GLCE: variants seen among roughly 807,000 people sequenced by gnomAD.
GLCE encodes D-glucuronyl C5-epimerase.
A neutral mutation model predicts 47.9 loss-of-function variants in GLCE; 19 were observed. The observed-to-expected ratio is 0.40, with a 90% CI of 0.28 to 0.58. The LOEUF is 0.58. GLCE is among the 20% of genes least tolerant of loss of function. The probability of loss-of-function intolerance (pLI) is 0.48; values close to 1 mark genes in which losing one functional copy is unlikely to be tolerated. For missense variants in GLCE, 556 were observed against 743.3 expected (o/e 0.75, Z 2.93); for synonymous variants, 245 against 263.4 (o/e 0.93, Z 0.68).
intron 1 of GLCE, among the ~76,000 whole-genome samples, chr15:69,164,687 T>C (rs989914239): frequency 1.3e-5 from 2 of 152,108 alleles, no homozygotes; most frequent in African/African-American, 4.8e-5. Context: ...ACTAGTTCCA[T>C]GTAATTTTTA....
rs2053172340 is a variant in GLCE at position 69,271,966 on chromosome 15, A to G, written c.*2722A>G. 1 of 152,554 alleles carries G rather than the reference A, an allele frequency of 6.6e-6. No homozygotes were observed. Among genetic ancestry groups the G allele is most frequent in the Non-Finnish European group, 1.5e-5 (1 of 68,032 alleles). The allele number at this position is 152,554 out of a possible 1,614,324, so 9.5% of individuals were successfully genotyped here. On this transcript the variant is annotated 3_prime_UTR_variant, in exon 5 of 5. Coordinates refer to ENST00000261858, the MANE Select transcript of GLCE (RefSeq NM_015554.3). ...CTTCCATTGTACATGTGGGTTATAT[A>G]CCATATGTTAAATATGCAATAAAGT... is the stretch of plus-strand genomic sequence containing the variant.
rs570311050 is a variant in GLCE, at chr15:69,195,321, A to T, written c.-104-14995A>T. ...ATAGTCTCAGCTAAATTTTTTTTTTAAAATCACTGATAGCTTAGAAAAAGA... is the reference window on the plus strand; with the variant it reads ...ATAGTCTCAGCTAAATTTTTTTTTTTAAATCACTGATAGCTTAGAAAAAGA... On this transcript the variant is annotated intron_variant, in intron 1 of 4. Coordinates refer to ENST00000261858, the MANE Select transcript of GLCE (RefSeq NM_015554.3). Among the ~76,000 whole-genome samples, 321 of 152,102 alleles carry T rather than the reference A, an allele frequency of 2.1e-3. 2 individuals are homozygous for T. Among genetic ancestry groups the T allele is most frequent in the African/African-American group, 6.0e-3 (249 of 41,522 alleles).
Position 69,268,413 on chromosome 15 carries a change from T to C in GLCE, c.1023T>C (p.Ile341=), listed in dbSNP as rs2053116492. ...AFKERDIYYG[I]GPRTSWSTVT... is the part of the protein sequence containing the mutation. ...AAGAAAGAGATATATACTATGGCATTGGGCCCAGAACTTCATGGAGCACAG... is the reference window on the plus strand; with the variant it reads ...AAGAAAGAGATATATACTATGGCATCGGGCCCAGAACTTCATGGAGCACAG... Residue 341 remains isoleucine (I), a synonymous_variant, in exon 5 of 5, where the codon ATT becomes ATC. Transcript: ENST00000261858. The C allele has an allele frequency of 6.2e-7, 1 of 1,613,900 alleles. No individual in the cohort carries two copies. The highest frequency in any genetic ancestry group is 2.2e-5 in the East Asian group (1 of 44,892).
intron 2 of GLCE, among the ~76,000 whole-genome samples, chr15:69,222,602 C>T (rs1462895217): frequency 2.6e-5 from 4 of 152,170 alleles, no homozygotes; most frequent in Non-Finnish European, 5.9e-5. Context: ...CCAGTTTCCT[C>T]CCCCTTCAGT....
At chr15:69,182,827 A>C (rs1461247664) in intron 1 of GLCE, among the ~76,000 whole-genome samples, 1 of 152,114 alleles carries the variant, frequency 6.6e-6, no homozygotes, top group Non-Finnish European at 1.5e-5. Flanking sequence ...CAGCCTGGCC[A>C]ACATGGTGAA....
At chr15:69,206,178 A>T (rs984076995) in intron 1 of GLCE, among the ~76,000 whole-genome samples, 11 of 151,996 alleles carry the variant, frequency 7.2e-5, no homozygotes, top group Admixed American at 3.9e-4. Context: ...TACCAGTCAG[A>T]TATTTTGCAG....
Position 69,160,763 on chromosome 15 carries a change from A to G in GLCE, c.-105+6A>G, listed in dbSNP as rs976684835. 6.5e-6 allele frequency: 1 copy of G among 152,676 alleles called. No homozygotes were observed. The highest frequency in any genetic ancestry group is 2.4e-5 in the African/African-American group (1 of 41,462). 9.5% of individuals were successfully genotyped at this position (152,676 alleles called of 1,614,324 possible). Reference sequence around the variant, plus strand: ...CGCCCTCCGACGCTGCTCAGGTTAGAAAGCCCGGAGCGCGTCTCCGCTGAG... The same window carrying G: ...CGCCCTCCGACGCTGCTCAGGTTAGGAAGCCCGGAGCGCGTCTCCGCTGAG... On this transcript the variant is annotated splice_donor_region_variant and intron_variant, in intron 1 of 4. Transcript: ENST00000261858. The surrounding 1 kb of genome is among the most constrained non-coding windows in gnomAD (Gnocchi z 4.2).
intron 1 of GLCE, among the ~76,000 whole-genome samples, chr15:69,201,407 T>A (rs2052075165): frequency 6.6e-6 from 1 of 151,962 alleles, no homozygotes. Flanking sequence ...GTCTAGTCAT[T>A]GTAGTAGGCA....
At chr15:69,176,442 T>G (rs1437544854) in intron 1 of GLCE, among the ~76,000 whole-genome samples, 1 of 151,964 alleles carries the variant, frequency 6.6e-6, no homozygotes, top group Non-Finnish European at 1.5e-5. Context: ...CAGGCTGGTC[T>G]CAAACTCCTG....
At chr15:69,185,601 T>C (rs1021967726) in intron 1 of GLCE, among the ~76,000 whole-genome samples, 4 of 152,008 alleles carry the variant, frequency 2.6e-5, no homozygotes, top group African/African-American at 9.7e-5. Flanking sequence ...CATCAAGTTG[T>C]TTTTATTGGA....
intron 2 of GLCE, among the ~76,000 whole-genome samples, chr15:69,252,404 G>A (rs2052857281): frequency 6.6e-6 from 1 of 152,214 alleles, no homozygotes; most frequent in Non-Finnish European, 1.5e-5. Flanking sequence ...ACATGGCCAG[G>A]GCAGGAGCCA....
At chr15:69,258,524 T>G (rs1447198979) in intron 3 of GLCE, among the ~76,000 whole-genome samples, 1 of 152,214 alleles carries the variant, frequency 6.6e-6, no homozygotes, top group Non-Finnish European at 1.5e-5. Flanking sequence ...ATGAGACCCT[T>G]CTCTTTAGTT....
chr15:69,202,055 G>T (rs1206550681), intron 1 of GLCE, among the ~76,000 whole-genome samples: 2 of 151,916 alleles, frequency 1.3e-5, no homozygotes, highest in African/African-American at 4.8e-5. Context: ...AACGAACTGG[G>T]ACTATAGGCA....
At chr15:69,225,241 G>T (rs1239311360) in intron 2 of GLCE, among the ~76,000 whole-genome samples, 2 of 151,930 alleles carry the variant, frequency 1.3e-5, no homozygotes, top group African/African-American at 2.4e-5. Flanking sequence ...CCTACAGTTG[G>T]CATAATAAAG....
chr15:69,268,482 T>C lies in GLCE; in HGVS notation c.1092T>C (p.Leu364=). The C allele has an allele frequency of 6.2e-7, 1 of 1,614,188 alleles. No individual in the cohort carries two copies. Among genetic ancestry groups the C allele is most frequent in the Non-Finnish European group, 8.5e-7 (1 of 1,180,032 alleles). Reference sequence around the variant, plus strand: ...CTGACCTCAGGAAAGGAGTGGGTCTTTCAAACACAAAAGCTGTCAAGCCAA... The same window carrying C: ...CTGACCTCAGGAAAGGAGTGGGTCTCTCAAACACAAAAGCTGTCAAGCCAA... ...LVTDLRKGVG[L]SNTKAVKPTK... Residue 364 remains leucine, a synonymous_variant, in exon 5 of 5, where the codon CTT becomes CTC. Transcript: ENST00000261858.
chr15:69,247,068 C>CT lies in GLCE; in HGVS notation c.-13-8724dup, dbSNP rs1423182257. On this transcript the variant is annotated intron_variant, in intron 2 of 4. Transcript: ENST00000261858. ...AATTATAAAGGAGCATTGGCCTCAA[C>CT]TTAAAGTCACCAGTTGCATTAGCCC... Among the ~76,000 whole-genome samples, 9 of 152,330 alleles carry CT rather than the reference C, an allele frequency of 5.9e-5. No homozygotes were observed. In the East Asian group the frequency reaches 1.7e-3, roughly 29 times the overall value.
rs1377501670 is a variant in GLCE at position 69,268,799 on chromosome 15, CT to C, written c.1412del (p.Leu471Ter). ...LTKDHIFLNS[A>X]LRATAPYKFL... is the part of the protein sequence containing the mutation. ...AAAGACCATATATTCCTCAATTCAG[CT>C]TTAAGGGCAACAGCCCCTTATAAGT... On this transcript the variant is annotated frameshift_variant, in exon 5 of 5. Transcript: ENST00000261858. LOFTEE classifies it high-confidence loss of function. 1 of 1,613,934 alleles carries C rather than the reference CT, an allele frequency of 6.2e-7. No homozygotes were observed. The highest frequency in any genetic ancestry group is 8.5e-7 in the Non-Finnish European group (1 of 1,179,908).
intron 1 of GLCE, among the ~76,000 whole-genome samples, chr15:69,206,362 G>A (rs557878869): frequency 6.6e-6 from 1 of 152,010 alleles, no homozygotes; most frequent in African/African-American, 2.4e-5. Flanking sequence ...CTGTAAAGTC[G>A]ATATTTTTGT....
rs545384626 is a variant in GLCE at position 69,213,403 on chromosome 15, G to C, written c.-14+2997G>C. Among the ~76,000 whole-genome samples, 7 of 152,058 alleles carry C rather than the reference G, an allele frequency of 4.6e-5. No homozygotes were observed. The Middle Eastern group carries it at 0.01, about 222-fold the overall frequency. On this transcript the variant is annotated intron_variant, in intron 2 of 4. Coordinates refer to ENST00000261858, the MANE Select transcript of GLCE (RefSeq NM_015554.3). ...GATTTTCACACTTTGAAAGACTCCT[G>C]GTCAGGTATTTTTGTAGAATGTCAT...
Sources: allele counts gnomAD v4.1 joint callset (sites outside exome capture counted in the v4.1 genomes callset), GRCh38; gene constraint gnomAD v4.1.1; non-coding constraint Gnocchi (gnomAD v3.1); transcripts MANE v1.5; gene names NCBI Gene and HGNC (gene_info 2026-07-23, HGNC 2026-07-21).